The following MGAT5 variants were observed in gnomAD, a reference collection of about 807,000 sequenced individuals.
MGAT5 encodes alpha-1,6-mannosylglycoprotein 6-beta-N-acetylglucosaminyltransferase.
A neutral mutation model predicts 94.3 loss-of-function variants in MGAT5; 30 were observed. The ratio of observed to expected loss-of-function variants is 0.32; its 90% CI spans 0.24 to 0.43. MGAT5 has a LOEUF of 0.43. MGAT5 is among the 20% of genes least tolerant of loss of function. The probability of loss-of-function intolerance (pLI) is 1.00; values close to 1 mark genes in which losing one functional copy is unlikely to be tolerated. For missense variants in MGAT5, 691 were observed against 905.5 expected (o/e 0.76, Z 3.04); for synonymous variants, 310 against 322.9 (o/e 0.96, Z 0.43).
At chr2:134,145,025 G>T (rs1686846068) in intron 1 of MGAT5, among the ~76,000 whole-genome samples, 1 of 152,242 alleles carries the variant, frequency 6.6e-6, no homozygotes. Flanking sequence ...CTGAATACTT[G>T]TGGAACTTGA....
Position 134,378,493 on chromosome 2 carries a change from C to T in MGAT5, c.1380+16085C>T, listed in dbSNP as rs1419773861. On this transcript the variant is annotated intron_variant, in intron 10 of 15. Coordinates refer to ENST00000281923, the MANE Select transcript of MGAT5 (RefSeq NM_002410.5). ...TTTAGAGACAGACCGGAATTTGTTT[C>T]CAAGCTGTGCCATTTACTCTCTCTG... 2.6e-5 allele frequency among the ~76,000 whole-genome samples: 4 copies of T among 152,160 alleles called. No individual in the cohort carries two copies. In the East Asian group the frequency reaches 7.7e-4, roughly 29 times the overall value.
rs781189819 is a variant in MGAT5 at position 134,257,836 on chromosome 2, C to CCTTTTTTTTTTTTTTTT, written c.241+3192_241+3193insCTTTTTTTTTTTTTTTT. Among the ~76,000 whole-genome samples, 10 of 106,412 alleles carry CCTTTTTTTTTTTTTTTT rather than the reference C, an allele frequency of 9.4e-5. 5 individuals carry two copies. Among genetic ancestry groups the CCTTTTTTTTTTTTTTTT allele is most frequent in the Non-Finnish European group, 1.1e-4 (6 of 54,240 alleles). 69.8% of individuals were successfully genotyped at this position (106,412 alleles called of 152,430 possible). A position where few individuals can be genotyped will look rare whatever the true frequency, so the allele number is the denominator to read the frequency against. ...TGCATAGGCCATTAGTTTGCAGTCT[C>CCTTTTTTTTTTTTTTTT]TTTTTTTTTTTTTTTTTTTGCCATA... is the stretch of plus-strand genomic sequence containing the variant. On this transcript the variant is annotated intron_variant, in intron 1 of 15. Coordinates refer to ENST00000281923, the MANE Select transcript of MGAT5 (RefSeq NM_002410.5).
chr2:134,415,755 T>G (rs1683926425), intron 12 of MGAT5, among the ~76,000 whole-genome samples: 1 of 152,240 alleles, frequency 6.6e-6, no homozygotes, highest in Middle Eastern at 3.2e-3. Context: ...GTTTCAGGTC[T>G]TATATTGAAG....
intron 12 of MGAT5, among the ~76,000 whole-genome samples, chr2:134,413,238 A>C (rs1371812746): frequency 2.0e-5 from 3 of 152,012 alleles, no homozygotes; most frequent in Admixed American, 2.0e-4. Flanking sequence ...CTCTACCCCC[A>C]CTCTAGCTTA....
At chr2:134,297,333 A>G (rs1685736675) in intron 2 of MGAT5, among the ~76,000 whole-genome samples, 1 of 152,152 alleles carries the variant, frequency 6.6e-6, no homozygotes, top group Non-Finnish European at 1.5e-5. Flanking sequence ...TGTTAAGAGG[A>G]AATGACACTG....
In MGAT5 at chr2:134,434,685, A is replaced by G. The variant is rs116697438; in HGVS notation, c.1869+6246A>G. ...TAAGCTGCTAACTTCCATACAGCCTACAAAACCCAGATGGCCTTCCCTATC... is the reference window on the plus strand; with the variant it reads ...TAAGCTGCTAACTTCCATACAGCCTGCAAAACCCAGATGGCCTTCCCTATC... On this transcript the variant is annotated intron_variant, in intron 14 of 15. Transcript: ENST00000281923. Among the ~76,000 whole-genome samples, 235 of 152,174 alleles carry G rather than the reference A, an allele frequency of 1.5e-3. 1 individual carries two copies. The highest frequency in any genetic ancestry group is 5.2e-3 in the African/African-American group (214 of 41,514).
intron 1 of MGAT5, among the ~76,000 whole-genome samples, chr2:134,225,310 A>G (rs1320507304): frequency 6.6e-6 from 1 of 152,086 alleles, no homozygotes; most frequent in African/African-American, 2.4e-5. Flanking sequence ...AGCTTGTTAG[A>G]AATGCAGTCT....
At chr2:134,274,321 A>G (rs770864249) in intron 2 of MGAT5, among the ~76,000 whole-genome samples, 3 of 152,168 alleles carry the variant, frequency 2.0e-5, no homozygotes, top group African/African-American at 4.8e-5. Flanking sequence ...CTTCTTCTCA[A>G]TTTACATTTG....
intron 1 of MGAT5, among the ~76,000 whole-genome samples, chr2:134,176,572 T>TTAAAA (rs764769403): frequency 0.013 from 1,062 of 83,278 alleles, 15 homozygotes; most frequent in African/African-American, 0.033. Flanking sequence ...GACTCTGTCT[T>TTAAAA]AAAAAAAAAA....
At chr2:134,195,619 T>C (rs1358353112) in intron 1 of MGAT5, among the ~76,000 whole-genome samples, 2 of 152,222 alleles carry the variant, frequency 1.3e-5, no homozygotes, top group African/African-American at 4.8e-5. Context: ...TGTGGATGAG[T>C]GTCCTTTGGC....
At chr2:134,381,374 A>AGATT (rs60788131) in intron 10 of MGAT5, among the ~76,000 whole-genome samples, 12 of 60,740 alleles carry the variant, frequency 2.0e-4, no homozygotes, top group African/African-American at 7.3e-4. Flanking sequence ...TAGATAAGAT[A>AGATT]AGATAGATTA....
intron 1 of MGAT5, among the ~76,000 whole-genome samples, chr2:134,187,027 A>G (rs1462618767): frequency 6.6e-6 from 1 of 152,168 alleles, no homozygotes; most frequent in African/African-American, 2.4e-5. Context: ...AAGTTCCGTG[A>G]GGAAGAGAGG....
chr2:134,121,103 G>T (rs572165127), intron 1 of MGAT5, among the ~76,000 whole-genome samples: 1 of 152,348 alleles, frequency 6.6e-6, no homozygotes, highest in Non-Finnish European at 1.5e-5. Context: ...GGCGGGGCTA[G>T]GGAGACGTGG....
Position 134,428,371 on chromosome 2 carries a change from C to T in MGAT5, c.1801C>T (p.Pro601Ser). Residue 601 changes from proline (P) to serine (S), a missense_variant, in exon 14 of 16, where the codon CCA (proline) becomes TCA (serine). By Grantham distance (74) the Pro-to-Ser change is moderately conservative. This residue lies in a region of MGAT5 where 260 missense variants were observed against 347.0 expected (regional missense o/e 0.75). Transcript: ENST00000281923. ...VKAILNQKIE[P>S]YMPYEFTCEG... ...TCATGCTCTGTTTCCACAGATTGAG[C>T]CATACATGCCATATGAATTTACGTG... 1.9e-6 allele frequency: 3 copies of T among 1,613,840 alleles called. No individual in the cohort carries two copies. Among genetic ancestry groups the T allele is most frequent in the Non-Finnish European group, 2.5e-6 (3 of 1,179,824 alleles).
At chr2:134,381,761 G>A (rs1681646666) in intron 10 of MGAT5, among the ~76,000 whole-genome samples, 1 of 152,158 alleles carries the variant, frequency 6.6e-6, no homozygotes, top group African/African-American at 2.4e-5. Context: ...CTTAGTCTTA[G>A]CTTCTTCAAA....
At chr2:134,372,303 C>T (rs535916510) in intron 10 of MGAT5, among the ~76,000 whole-genome samples, 5 of 152,334 alleles carry the variant, frequency 3.3e-5, no homozygotes, top group East Asian at 1.9e-4. Context: ...ATCAACCACA[C>T]GGCTTCCAAG....
chr2:134,157,727 C>T lies in MGAT5; in HGVS notation c.-143+37436C>T, dbSNP rs187423398. ...TCAGTGGGAGCCCTGAGCTTGTTTT[C>T]CTGCAACTAGATGGTCTCATCTGGG... On this transcript the variant is annotated intron_variant, in intron 1 of 16. Transcript: ENST00000409645. Among the ~76,000 whole-genome samples, 11 of 152,064 alleles carry T rather than the reference C, an allele frequency of 7.2e-5. 1 individual carries two copies. Among genetic ancestry groups the T allele is most frequent in the African/African-American group, 2.7e-4 (11 of 41,442 alleles).
chr2:134,203,913 T>C (rs1351806981), intron 1 of MGAT5, among the ~76,000 whole-genome samples: 2 of 152,142 alleles, frequency 1.3e-5, no homozygotes, highest in African/African-American at 4.8e-5. Context: ...TGGTAGCTAC[T>C]TTGCAGGTAT....
intron 1 of MGAT5, among the ~76,000 whole-genome samples, chr2:134,227,152 A>G (rs1681108255): frequency 6.6e-6 from 1 of 152,168 alleles, no homozygotes; most frequent in Non-Finnish European, 1.5e-5. Flanking sequence ...CAATGATAAC[A>G]CAAAGAATGG....
Sources: allele counts gnomAD v4.1 joint callset (sites outside exome capture counted in the v4.1 genomes callset), GRCh38; gene constraint gnomAD v4.1.1; regional missense constraint gnomAD v4.1.1; transcripts MANE v1.5; gene names NCBI Gene and HGNC (gene_info 2026-07-23, HGNC 2026-07-21).